CWC27: variants seen among roughly 807,000 people sequenced by gnomAD.
CWC27 encodes the protein spliceosome-associated protein CWC27 homolog.
A neutral mutation model predicts 63.6 loss-of-function variants in CWC27; 47 were observed. The observed-to-expected ratio is 0.74, with a 90% CI of 0.58 to 0.94. The LOEUF is 0.94. CWC27 is among the 40% of genes least tolerant of loss of function. The pLI is 0.00. For synonymous variants in CWC27, 175 were observed against 179.8 expected (o/e 0.97, Z 0.22); for missense variants, 495 against 554.3 (o/e 0.89, Z 1.07).
At chr5:64,831,668 A>G (rs1745524792) in intron 10 of CWC27, among the ~76,000 whole-genome samples, 2 of 151,936 alleles carry the variant, frequency 1.3e-5, no homozygotes. Flanking sequence ...CCTGTGACAC[A>G]CAATTGACTC....
At chr5:64,780,474 T>A (rs952487543) in intron 2 of CWC27, among the ~76,000 whole-genome samples, 6 of 149,112 alleles carry the variant, frequency 4.0e-5, no homozygotes, top group African/African-American at 9.8e-5. Context: ...ATAGAAACAA[T>A]ATATATAAAT....
intron 10 of CWC27, among the ~76,000 whole-genome samples, chr5:64,855,170 G>A (rs1410928722): frequency 6.6e-6 from 1 of 152,048 alleles, no homozygotes; most frequent in African/African-American, 2.4e-5. Flanking sequence ...TTCTAGACCT[G>A]TTGAAAAAGA....
At chr5:64,945,428 T>C (rs550231492) in intron 11 of CWC27, among the ~76,000 whole-genome samples, 2 of 152,290 alleles carry the variant, frequency 1.3e-5, no homozygotes, top group Admixed American at 1.3e-4. Flanking sequence ...GCTTAAAACA[T>C]TTATAATACA....
intron 13 of CWC27, among the ~76,000 whole-genome samples, chr5:64,995,206 G>T (rs1036590167): frequency 6.6e-6 from 1 of 151,828 alleles, no homozygotes; most frequent in Non-Finnish European, 1.5e-5. Flanking sequence ...TCCTGGCCTC[G>T]AGCGATCCGC....
intron 10 of CWC27, among the ~76,000 whole-genome samples, chr5:64,841,256 G>A (rs1745827371): frequency 6.6e-6 from 1 of 152,096 alleles, no homozygotes; most frequent in Non-Finnish European, 1.5e-5. Flanking sequence ...CAAGACAGAG[G>A]GAGGAAATAA....
rs138459604 is a variant in CWC27 at position 64,909,723 on chromosome 5, G to A, written c.1042+24177G>A. 1.3e-4 allele frequency among the ~76,000 whole-genome samples: 20 copies of A among 151,956 alleles called. No individual in the cohort carries two copies. The East Asian group carries it at 1.7e-3, about 13-fold the overall frequency. ...CTGATAACCTTTCTTCCACTTGATC[G>A]AATTGGCAATTGAGGTTTGTGCATG... On this transcript the variant is annotated intron_variant, in intron 11 of 13. Coordinates refer to ENST00000381070, the MANE Select transcript of CWC27 (RefSeq NM_005869.4).
intron 13 of CWC27, among the ~76,000 whole-genome samples, chr5:65,003,432 A>T (rs919530682): frequency 1.3e-5 from 2 of 150,552 alleles, no homozygotes; most frequent in South Asian, 2.1e-4. Flanking sequence ...CAGTTTTATG[A>T]TCTTCTGTAG....
intron 13 of CWC27, among the ~76,000 whole-genome samples, chr5:64,984,712 T>C (rs776509592): frequency 7.9e-5 from 12 of 152,210 alleles, no homozygotes; most frequent in Non-Finnish European, 1.6e-4. Context: ...TTTTTTGGGA[T>C]ATGTTATTTG....
At chr5:64,911,868 A>T (rs923688129) in intron 11 of CWC27, among the ~76,000 whole-genome samples, 6 of 151,962 alleles carry the variant, frequency 3.9e-5, no homozygotes, top group African/African-American at 1.4e-4. Context: ...AGGTCAGGAG[A>T]TGGAGACCAT....
intron 7 of CWC27, among the ~76,000 whole-genome samples, chr5:64,793,883 A>G (rs1324363786): frequency 6.6e-6 from 1 of 152,176 alleles, no homozygotes; most frequent in African/African-American, 2.4e-5. Flanking sequence ...AGGAGAAATA[A>G]GATTAGAGTC....
At chr5:64,784,066 T>C (rs1397775629) in intron 4 of CWC27, 87 bp downstream of exon 4, 3 of 1,157,028 alleles carry the variant, frequency 2.6e-6, no homozygotes, top group East Asian at 2.7e-5. Context: ...GATTAACTTA[T>C]CTAAGAGCTA....
chr5:64,870,446 A>G (rs529535171), intron 10 of CWC27, among the ~76,000 whole-genome samples: 2 of 151,374 alleles, frequency 1.3e-5, no homozygotes, highest in African/African-American at 2.4e-5. Flanking sequence ...CATGGTAGAA[A>G]TCAAAATGTT....
chr5:64,902,993 C>G (rs1400069885), intron 11 of CWC27, among the ~76,000 whole-genome samples: 1 of 152,090 alleles, frequency 6.6e-6, no homozygotes, highest in Non-Finnish European at 1.5e-5. Flanking sequence ...ATGGTATTGT[C>G]TTTCGTAATT....
Position 64,844,464 on chromosome 5 carries a change from C to T in CWC27, c.938+40078C>T, listed in dbSNP as rs114378852. On this transcript the variant is annotated intron_variant, in intron 10 of 13. Transcript: ENST00000381070. Reference sequence around the variant, plus strand: ...GTCCTTAGGCTGCTAGTTTCCCACCCAGCCTCAGAGCCCACCTCTGTGACC... The same window carrying T: ...GTCCTTAGGCTGCTAGTTTCCCACCTAGCCTCAGAGCCCACCTCTGTGACC... Among the ~76,000 whole-genome samples the T allele has an allele frequency of 4.9e-3, 753 of 152,276 alleles. 4 individuals carry two copies. Among genetic ancestry groups the T allele is most frequent in the African/African-American group, 0.017 (705 of 41,560 alleles).
intron 7 of CWC27, 42 bp from the exon 8 acceptor site, chr5:64,800,206 G>C: frequency 7.6e-7 from 1 of 1,318,074 alleles, no homozygotes; most frequent in East Asian, 2.4e-5. Flanking sequence ...TAGGAATACT[G>C]TTTATTTCCC....
At chr5:64,903,007 A>G (rs1040035109) in intron 11 of CWC27, among the ~76,000 whole-genome samples, 1 of 152,152 alleles carries the variant, frequency 6.6e-6, no homozygotes, top group African/African-American at 2.4e-5. Context: ...CGTAATTGAT[A>G]GACTTAGTCA....
At chr5:64,808,143 A>T (rs540102436) in intron 10 of CWC27, 770 of 1,054,988 alleles carry the variant, frequency 7.3e-4, no homozygotes, top group Non-Finnish European at 8.3e-4. Flanking sequence ...TGTTAGAAAT[A>T]CCGAGTCTCA....
chr5:64,988,364 T>C (rs930436263), intron 13 of CWC27, among the ~76,000 whole-genome samples: 1 of 152,166 alleles, frequency 6.6e-6, no homozygotes, highest in Non-Finnish European at 1.5e-5. Flanking sequence ...CAAGTAATTT[T>C]TTTTTATTGT....
chr5:64,784,367 A>T (rs1008735518), intron 4 of CWC27, among the ~76,000 whole-genome samples: 2 of 152,156 alleles, frequency 1.3e-5, no homozygotes, highest in Non-Finnish European at 2.9e-5. Flanking sequence ...TTAAAGTGGA[A>T]TTTGTGTTGA....
Sources: allele counts gnomAD v4.1 joint callset (sites outside exome capture counted in the v4.1 genomes callset), GRCh38; gene constraint gnomAD v4.1.1; transcripts MANE v1.5; gene names NCBI Gene and HGNC (gene_info 2026-07-23, HGNC 2026-07-21).